The following TIAM1 variants were observed in gnomAD, a reference collection of about 807,000 sequenced individuals.
The protein encoded by TIAM1 is TIAM Rac1 associated GEF 1.
A neutral mutation model predicts 163.5 loss-of-function variants in TIAM1; 65 were observed. The observed-to-expected ratio is 0.40, with a 90% CI of 0.33 to 0.49. The LOEUF is 0.49. TIAM1 is among the 20% of genes least tolerant of loss of function. The pLI, the probability that TIAM1 is intolerant of heterozygous loss-of-function variation, is 0.77. For missense variants in TIAM1, 1,789 were observed against 2,044.7 expected (o/e 0.87, Z 2.41); for synonymous variants, 833 against 810.1 (o/e 1.03, Z -0.48).
chr21:31,495,902 T>C lies in TIAM1; in HGVS notation c.-421-31867A>G, dbSNP rs77587123. ...TAGGAGAATCACTTGAACCCAGGGG[T>C]TGGAGGTTGCAGTGAGCCGAGATCG... On this transcript the variant is annotated intron_variant, in intron 1 of 28. Transcript: ENST00000286827. Among the ~76,000 whole-genome samples, 100 of 151,834 alleles carry C rather than the reference T, an allele frequency of 6.6e-4. 3 individuals are homozygous for C. The East Asian group carries it at 0.019, about 29-fold the overall frequency.
chr21:31,466,970 G>T (rs1008260893), intron 1 of TIAM1, among the ~76,000 whole-genome samples: 1 of 138,260 alleles, frequency 7.2e-6, no homozygotes, highest in Non-Finnish European at 1.5e-5. Flanking sequence ...AATAAAATAG[G>T]CCAAAAAAAA....
At chr21:31,430,225 AAT>A (rs35708801) in intron 2 of TIAM1, among the ~76,000 whole-genome samples, 2,327 of 90,034 alleles carry the variant, frequency 0.026, 36 homozygotes, top group African/African-American at 0.057. Context: ...AAAAAAAAAA[AAT>A]ATATATATAT....
intron 1 of TIAM1, among the ~76,000 whole-genome samples, chr21:31,521,138 C>G (rs1016745515): frequency 5.3e-5 from 8 of 152,194 alleles, no homozygotes; most frequent in Admixed American, 4.6e-4. Flanking sequence ...GCCAGATTTA[C>G]TCTTAATTGC....
chr21:31,375,787 G>A (rs2076673271), intron 2 of TIAM1, among the ~76,000 whole-genome samples: 1 of 152,140 alleles, frequency 6.6e-6, no homozygotes, highest in Admixed American at 6.5e-5. Flanking sequence ...CCAGCACTTT[G>A]GGAGGCTGAG....
chr21:31,392,495 G>A (rs1051283319), intron 2 of TIAM1, among the ~76,000 whole-genome samples: 8 of 151,126 alleles, frequency 5.3e-5, no homozygotes, highest in African/African-American at 1.5e-4. Flanking sequence ...GCTTGAACCC[G>A]GGAGGCAAAG....
intron 2 of TIAM1, among the ~76,000 whole-genome samples, chr21:31,323,768 T>G (rs1270571380): frequency 6.6e-6 from 1 of 151,712 alleles, no homozygotes; most frequent in Admixed American, 6.6e-5. Context: ...GAGGCAGAGG[T>G]TGCAGTGAGC....
At chr21:31,191,750 A>C (rs964401470) in intron 13 of TIAM1, among the ~76,000 whole-genome samples, 7 of 152,206 alleles carry the variant, frequency 4.6e-5, no homozygotes, top group African/African-American at 1.7e-4. Flanking sequence ...AGGGGGTAAA[A>C]GTAAATGGGT....
intron 18 of TIAM1, 46 bp from the exon 19 acceptor site, chr21:31,152,807 T>C (rs1034614962): frequency 4.4e-6 from 7 of 1,594,772 alleles, no homozygotes; most frequent in Non-Finnish European, 6.0e-6. Flanking sequence ...TCATTAGTCT[T>C]CCTAAACGTT....
chr21:31,489,872 C>T (rs1021795339), intron 1 of TIAM1, among the ~76,000 whole-genome samples: 1 of 152,138 alleles, frequency 6.6e-6, no homozygotes, highest in African/African-American at 2.4e-5. Context: ...AAGAAACTTC[C>T]AGAAAAACAA....
intron 2 of TIAM1, among the ~76,000 whole-genome samples, chr21:31,404,263 G>A (rs1305802260): frequency 6.6e-6 from 1 of 152,160 alleles, no homozygotes; most frequent in African/African-American, 2.4e-5. Context: ...ACCCCAAGGA[G>A]TTCAAGACCA....
intron 4 of TIAM1, among the ~76,000 whole-genome samples, chr21:31,264,070 C>T (rs1020416561): frequency 1.3e-5 from 2 of 152,174 alleles, no homozygotes; most frequent in African/African-American, 2.4e-5. Context: ...TTCAGGCTTA[C>T]GTTCTCAGAC....
chr21:31,225,551 A>G (rs2087901698), intron 7 of TIAM1, among the ~76,000 whole-genome samples, 175 bp downstream of exon 7: 1 of 152,052 alleles, frequency 6.6e-6, no homozygotes, highest in Admixed American at 6.6e-5. Flanking sequence ...ACAATCAGCT[A>G]TGAACAAAGG....
intron 6 of TIAM1, among the ~76,000 whole-genome samples, chr21:31,241,130 G>T (rs1429201988): frequency 6.6e-6 from 1 of 152,184 alleles, no homozygotes; most frequent in Non-Finnish European, 1.5e-5. Context: ...CCAGCCATGT[G>T]GAACTGTGAG....
At position 31,197,539 on chromosome 21, in the gene TIAM1, C is replaced by CTTTTTT. The variant is rs58141765; in HGVS notation, c.2494-2240_2494-2235dup. Among the ~76,000 whole-genome samples the CTTTTTT allele has an allele frequency of 9.7e-5, 12 of 123,246 alleles. 1 individual carries two copies. In the East Asian group the frequency reaches 1.6e-3, roughly 17 times the overall value. 80.9% of individuals were successfully genotyped at this position (123,246 alleles called of 152,430 possible). A position where few individuals can be genotyped will look rare whatever the true frequency, so the allele number is the denominator to read the frequency against. On this transcript the variant is annotated intron_variant, in intron 12 of 27. Coordinates refer to ENST00000541036, the MANE Select transcript of TIAM1 (RefSeq NM_001353694.2). ...TACAGGCGCCCGCCACCGCGCCCGG[C>CTTTTTT]TTTTTTTTTTTTTTTGTATTTTTAG...
At chr21:31,517,048 CAAAA>C (rs747446437) in intron 1 of TIAM1, among the ~76,000 whole-genome samples, 1 of 65,414 alleles carries the variant, frequency 1.5e-5, no homozygotes, top group Non-Finnish European at 3.3e-5. Context: ...GACTCTGTCT[CAAAA>C]AAAAAAAAAA....
chr21:31,520,343 A>G (rs1436478460), intron 1 of TIAM1, among the ~76,000 whole-genome samples: 1 of 152,180 alleles, frequency 6.6e-6, no homozygotes, highest in Non-Finnish European at 1.5e-5. Flanking sequence ...AAAAAAAAAA[A>G]AAAGAAATGG....
intron 1 of TIAM1, among the ~76,000 whole-genome samples, chr21:31,469,302 T>C (rs541462916): frequency 6.6e-6 from 1 of 151,540 alleles, no homozygotes; most frequent in East Asian, 1.9e-4. Context: ...GGTCTCATTA[T>C]GTTGCCCAGG....
chr21:31,453,944 G>A (rs756697348), intron 2 of TIAM1, among the ~76,000 whole-genome samples: 120 of 152,136 alleles, frequency 7.9e-4, no homozygotes, highest in Middle Eastern at 3.4e-3. Flanking sequence ...ACTCCAGCAC[G>A]AGCTGTTATT....
intron 2 of TIAM1, among the ~76,000 whole-genome samples, chr21:31,313,165 T>C (rs1456261865): frequency 2.6e-5 from 4 of 152,232 alleles, no homozygotes; most frequent in Non-Finnish European, 4.4e-5. Flanking sequence ...GTAATTTTCT[T>C]TTCTAAGAAT....
Sources: gnomAD v4.1 joint callset for allele counts (sites outside exome capture counted in the v4.1 genomes callset) on GRCh38, gnomAD v4.1.1 for gene constraint, MANE v1.5 for transcripts, NCBI Gene and HGNC (gene_info 2026-07-23, HGNC 2026-07-21) for gene names.